The following STX3 variants were observed in gnomAD, a reference collection of about 807,000 sequenced individuals.
STX3 encodes the protein syntaxin 3, also known as syntaxin-3.
Under a neutral mutation model 40.2 loss-of-function variants are expected in STX3, and 19 were observed. The observed-to-expected ratio is 0.47, with a 90% confidence interval of 0.33 to 0.69. STX3 has a LOEUF of 0.69. STX3 is among the 30% of genes least tolerant of loss of function. The pLI is 0.02. For missense variants in STX3, 364 were observed against 366.7 expected, an observed-to-expected ratio of 0.99 and a Z score of 0.06; for synonymous variants, 122 against 132.2, an observed-to-expected ratio of 0.92 and a Z score of 0.53.
At chr11:59,784,071 T>C (rs889838054) in intron 2 of STX3, among the ~76,000 whole-genome samples, 5 of 152,178 alleles carry the variant, frequency 3.3e-5, no homozygotes, top group Non-Finnish European at 7.3e-5. Context: ...GTATCAGCCA[T>C]CCAGTCTCCA....
intron 2 of STX3, among the ~76,000 whole-genome samples, chr11:59,784,699 T>C (rs1346754286): frequency 6.6e-6 from 1 of 152,094 alleles, no homozygotes; most frequent in East Asian, 1.9e-4. Context: ...AACCATCAGA[T>C]CTTGTGAGAC....
At chr11:59,800,392 A>C (rs552317966) in intron 10 of STX3, 2 of 985,380 alleles carry the variant, frequency 2.0e-6, no homozygotes, top group African/African-American at 3.5e-5. Context: ...TACATAGCTC[A>C]TAAGGTGGAG....
chr11:59,759,209 G>GT (rs1219724079), intron 1 of STX3, among the ~76,000 whole-genome samples: 3 of 152,200 alleles, frequency 2.0e-5, no homozygotes, highest in African/African-American at 7.2e-5. Flanking sequence ...AGCAGAGTGG[G>GT]TTTTTCTATT....
upstream of STX3, chr11:59,755,351 C>T: frequency 9.5e-6 from 3 of 314,508 alleles, no homozygotes; most frequent in Non-Finnish European, 1.7e-5. Flanking sequence ...CGGATCAGCG[C>T]TGCGCCGGCG....
chr11:59,800,180 C>G (rs574517581), intron 10 of STX3: 1 of 985,430 alleles, frequency 1.0e-6, no homozygotes, highest in East Asian at 1.1e-4. Flanking sequence ...TCCATGTTCC[C>G]TAACAAAGTC....
intron 1 of STX3, among the ~76,000 whole-genome samples, chr11:59,771,785 C>T (rs566047272): frequency 1.3e-5 from 2 of 152,066 alleles, no homozygotes; most frequent in South Asian, 4.1e-4. Flanking sequence ...CTCTGTTAGG[C>T]ACTGGGCCTT....
rs1042661176 is a variant in STX3 at position 59,755,603 on chromosome 11, A to T, written c.-3A>T. The T allele has an allele frequency of 1.7e-5, 27 of 1,593,598 alleles. No homozygotes were observed. Among genetic ancestry groups the T allele is most frequent in the Non-Finnish European group, 2.2e-5 (26 of 1,176,146 alleles). On this transcript the variant is annotated 5_prime_UTR_variant, in exon 1 of 11. Transcript: ENST00000337979. ...ACCTGCCTCCGGGCGCCTGGGCTTC[A>T]GGATGAAGGACCGTCTGGAGCAGCT...
Position 59,759,321 on chromosome 11 carries a change from T to C in STX3, c.30+3686T>C, listed in dbSNP as rs145598206. ...ATTGGTGTATAAACCATCAAGCATA[T>C]AAACAACTCAAGGGAGCATCAGCAG... On this transcript the variant is annotated intron_variant, in intron 1 of 10. Coordinates refer to ENST00000337979, the MANE Select transcript of STX3 (RefSeq NM_004177.5). Among the ~76,000 whole-genome samples the C allele has an allele frequency of 4.1e-4, 63 of 152,282 alleles. No individual in the cohort carries two copies. The East Asian group carries it at 0.012, about 28-fold the overall frequency.
intron 2 of STX3, chr11:59,781,797 C>G: frequency 7.2e-7 from 1 of 1,395,986 alleles, no homozygotes; most frequent in Non-Finnish European, 9.9e-7. Flanking sequence ...TTAAAGAGGA[C>G]TTGACTGAGC....
At chr11:59,766,514 C>T (rs1335644742) in intron 1 of STX3, among the ~76,000 whole-genome samples, 4 of 152,190 alleles carry the variant, frequency 2.6e-5, no homozygotes, top group Non-Finnish European at 4.4e-5. Flanking sequence ...CATTGGCTCC[C>T]CACTCCCTGA....
chr11:59,799,578 T>G (rs910148103), intron 10 of STX3: 2 of 847,410 alleles, frequency 2.4e-6, no homozygotes, highest in African/African-American at 3.7e-5. Flanking sequence ...TCATATAAGT[T>G]GGAGTACTGA....
At chr11:59,790,370 C>G (rs1185023312) in intron 4 of STX3, 149 bp from the exon 5 acceptor site, 2 of 648,856 alleles carry the variant, frequency 3.1e-6, no homozygotes, top group East Asian at 5.5e-5. Context: ...CGTCCTGTGG[C>G]TCATCTGGGA....
chr11:59,790,497 A>G (rs1272602774), intron 4 of STX3, 22 bp from the exon 5 acceptor site: 7 of 1,601,158 alleles, frequency 4.4e-6, no homozygotes, highest in South Asian at 1.1e-5. Context: ...GGTTGCAAGT[A>G]TAACCTTCCT....
chr11:59,761,381 T>C (rs2134864749), intron 1 of STX3, among the ~76,000 whole-genome samples: 1 of 152,336 alleles, frequency 6.6e-6, no homozygotes, highest in Non-Finnish European at 1.5e-5. Context: ...TTTGGTGGTG[T>C]ATACAAATAG....
chr11:59,765,523 G>A (rs1465527634), intron 1 of STX3, among the ~76,000 whole-genome samples: 2 of 152,190 alleles, frequency 1.3e-5, no homozygotes, highest in Admixed American at 1.3e-4. Context: ...CAGGAGTCAG[G>A]CTGGGTGCGG....
At chr11:59,785,362 A>T (rs1315734202) in intron 2 of STX3, among the ~76,000 whole-genome samples, 1 of 151,494 alleles carries the variant, frequency 6.6e-6, no homozygotes, top group Non-Finnish European at 1.5e-5. Flanking sequence ...ACAGAGTCTC[A>T]CTCCGTTGCT....
At position 59,801,007 on chromosome 11, in the gene STX3, A is replaced by G. The variant is rs987570609; in HGVS notation, c.*183A>G. ...CAGCTAACAATCTAGCCCTGGGGGA[A>G]TGTGATCTACCTGATGCGACCCTGA... On this transcript the variant is annotated 3_prime_UTR_variant, in exon 11 of 11. Coordinates refer to ENST00000337979, the MANE Select transcript of STX3 (RefSeq NM_004177.5). 77 of 1,521,978 alleles carry G rather than the reference A, an allele frequency of 5.1e-5. 1 individual carries two copies. Among genetic ancestry groups the G allele is most frequent in the Non-Finnish European group, 6.5e-5 (74 of 1,139,024 alleles). 94.3% of individuals were successfully genotyped at this position (1,521,978 alleles called of 1,614,324 possible).
intron 1 of STX3, among the ~76,000 whole-genome samples, chr11:59,766,987 G>A (rs926813680): frequency 1.3e-5 from 2 of 152,168 alleles, no homozygotes; most frequent in Admixed American, 6.5e-5. Context: ...AATTATATGA[G>A]CTAATGAAGA....
intron 1 of STX3, among the ~76,000 whole-genome samples, chr11:59,766,814 C>G (rs1364830738): frequency 1.3e-5 from 2 of 152,186 alleles, no homozygotes; most frequent in African/African-American, 2.4e-5. Flanking sequence ...TTCGGCAAAT[C>G]AGTAGCTGGG....
Sources: allele counts gnomAD v4.1 joint callset (sites outside exome capture counted in the v4.1 genomes callset), GRCh38; gene constraint gnomAD v4.1.1; transcripts MANE v1.5; gene names NCBI Gene and HGNC (gene_info 2026-07-23, HGNC 2026-07-21).